KAZN: variants seen among roughly 807,000 people sequenced by gnomAD.
KAZN encodes the protein kazrin, periplakin interacting protein.
In KAZN, 40 loss-of-function variants were observed where a neutral mutation model predicts 87.4. The observed-to-expected ratio is 0.46, with a 90% CI of 0.36 to 0.60. The LOEUF (loss-of-function observed/expected upper bound fraction) is 0.60, where lower values mean the gene tolerates loss of function less well. KAZN is among the 20% of genes least tolerant of loss of function. KAZN has a pLI of 0.00. For missense variants in KAZN, 898 were observed against 1,073.9 expected, an observed-to-expected ratio of 0.84 and a Z score of 2.29; for synonymous variants, 466 against 458.3, an observed-to-expected ratio of 1.02 and a Z score of -0.22.
intron 1 of KAZN, among the ~76,000 whole-genome samples, chr1:14,615,211 A>G (rs1373633164): frequency 1.3e-5 from 2 of 152,196 alleles, no homozygotes; most frequent in Non-Finnish European, 2.9e-5. Flanking sequence ...GGATACCCGG[A>G]CAAGTAAGGT....
At position 14,506,978 on chromosome 1, in the gene KAZN, G is replaced by C. The variant is rs549630327; in HGVS notation, c.250-92005G>C. Reference sequence around the variant, plus strand: ...GTGAGAACACTAGGAAGGTTGACCAGCCATCCCATTGTGGTGCATCCGCAT... The same window carrying C: ...GTGAGAACACTAGGAAGGTTGACCACCCATCCCATTGTGGTGCATCCGCAT... On this transcript the variant is annotated intron_variant, in intron 2 of 16. Transcript: ENST00000636203. 3.9e-5 allele frequency among the ~76,000 whole-genome samples: 6 copies of C among 152,308 alleles called. No individual in the cohort carries two copies. The East Asian group carries it at 1.2e-3, about 29-fold the overall frequency.
intron 8 of KAZN, among the ~76,000 whole-genome samples, chr1:15,090,928 G>A (rs762506442): frequency 1.3e-5 from 2 of 152,148 alleles, no homozygotes; most frequent in Non-Finnish European, 2.9e-5. Context: ...GTCACCAGGT[G>A]GATACAGTCC....
chr1:14,446,870 G>A (rs1314306906), intron 2 of KAZN, among the ~76,000 whole-genome samples: 1 of 151,956 alleles, frequency 6.6e-6, no homozygotes, highest in African/African-American at 2.4e-5. Flanking sequence ...CTGGAAAATT[G>A]TGCTCCATGG....
At chr1:14,153,778 CAAAAAAAAAA>C (rs58002901) in intron 1 of KAZN, among the ~76,000 whole-genome samples, 3 of 120,360 alleles carry the variant, frequency 2.5e-5, no homozygotes, top group Non-Finnish European at 5.3e-5. Context: ...AACTCTGTCT[CAAAAAAAAAA>C]AAAAAAAAAA....
At chr1:14,249,695 A>G (rs1037821932) in intron 2 of KAZN, among the ~76,000 whole-genome samples, 3 of 152,148 alleles carry the variant, frequency 2.0e-5, no homozygotes, top group African/African-American at 7.2e-5. Context: ...CCTCACTTCC[A>G]TATGTATGAA....
At position 13,907,690 on chromosome 1, in the gene KAZN, T is replaced by G. The variant is rs953298241; in HGVS notation, c.91+13934T>G. ...CCACAAACAACCCAAATGTATGCTA[T>G]GTGTACCCAGTTTCAAAATATTTTC... On this transcript the variant is annotated intron_variant, in intron 1 of 16. Coordinates refer to the KAZN transcript ENST00000636203. Among the ~76,000 whole-genome samples, 3 of 152,216 alleles carry G rather than the reference T, an allele frequency of 2.0e-5. 1 individual carries two copies. In the South Asian group the frequency reaches 6.2e-4, roughly 32 times the overall value.
intron 1 of KAZN, among the ~76,000 whole-genome samples, chr1:14,626,698 ACCGTGGCT>A (rs1679166810): frequency 6.6e-6 from 1 of 151,958 alleles, no homozygotes; most frequent in Non-Finnish European, 1.5e-5. Flanking sequence ...TCAACTCCTT[ACCGTGGCT>A]CCTGAGGCAC....
chr1:14,787,899 T>C lies in KAZN; in HGVS notation c.227-172785T>C, dbSNP rs139026594. The stretch of plus-strand genomic sequence containing the variant: ...AACCAGTTCAGTAACAACTTTGTTA[T>C]CAATGATTCACCATTTTCGAAAGAT... On this transcript the variant is annotated intron_variant, in intron 1 of 14. Transcript: ENST00000376030. Among the ~76,000 whole-genome samples the C allele has an allele frequency of 2.6e-5, 4 of 152,234 alleles. No individual in the cohort carries two copies. In the East Asian group the frequency reaches 7.7e-4, roughly 29 times the overall value.
intron 2 of KAZN, among the ~76,000 whole-genome samples, chr1:14,398,418 T>C (rs570267672): frequency 6.6e-5 from 10 of 152,320 alleles, no homozygotes; most frequent in African/African-American, 2.4e-4. Context: ...CATAGGGAAA[T>C]TGTGAGGATC....
chr1:14,620,812 A>G (rs990098392), intron 1 of KAZN, among the ~76,000 whole-genome samples: 1 of 152,238 alleles, frequency 6.6e-6, no homozygotes, highest in African/African-American at 2.4e-5. Context: ...TAATAGAAGC[A>G]TCTGCATTTT....
intron 1 of KAZN, among the ~76,000 whole-genome samples, chr1:14,703,651 G>A (rs943215852): frequency 1.2e-4 from 18 of 152,318 alleles, no homozygotes; most frequent in African/African-American, 3.6e-4. Flanking sequence ...GCGTAGGCAG[G>A]AAGATCACTT....
chr1:14,656,123 C>T (rs1638774551), intron 1 of KAZN, among the ~76,000 whole-genome samples: 1 of 152,132 alleles, frequency 6.6e-6, no homozygotes, highest in Non-Finnish European at 1.5e-5. Context: ...AGGAATGAAT[C>T]TCTGGGATGA....
chr1:14,277,065 T>G (rs1178813333), intron 2 of KAZN, among the ~76,000 whole-genome samples: 1 of 152,232 alleles, frequency 6.6e-6, no homozygotes. Flanking sequence ...TAAAACTTCC[T>G]CTTTTTCTTT....
chr1:14,896,610 G>A (rs756575646), intron 1 of KAZN, among the ~76,000 whole-genome samples: 2 of 152,154 alleles, frequency 1.3e-5, no homozygotes, highest in Non-Finnish European at 1.5e-5. Flanking sequence ...TGGGGAGCAG[G>A]CTGCGGCTGT....
chr1:14,074,727 CA>C lies in KAZN; in HGVS notation c.92-105703del, dbSNP rs1380294115. Among the ~76,000 whole-genome samples the C allele has an allele frequency of 2.6e-5, 4 of 152,236 alleles. No homozygotes were observed. The East Asian group carries it at 7.7e-4, about 29-fold the overall frequency. On this transcript the variant is annotated intron_variant, in intron 1 of 16. Transcript: ENST00000636203. ...GGGCTTTTAAGCATTAATGAGGTGT[CA>C]AAAAGAATCCTAATTGCATACATTT...
At chr1:15,111,280 G>GTTA (rs1279692240) in intron 13 of KAZN, among the ~76,000 whole-genome samples, 1 of 141,912 alleles carries the variant, frequency 7.0e-6, no homozygotes, top group Non-Finnish European at 1.6e-5. Flanking sequence ...GTTTGTTGTT[G>GTTA]TTGTTGTTGT....
chr1:13,914,065 T>C (rs1397181075), intron 1 of KAZN, among the ~76,000 whole-genome samples: 1 of 152,196 alleles, frequency 6.6e-6, no homozygotes, highest in African/African-American at 2.4e-5. Context: ...CGAGAACCAA[T>C]GTGCTAGGAT....
chr1:14,848,903 G>A (rs75746532), intron 1 of KAZN, among the ~76,000 whole-genome samples: 17 of 152,302 alleles, frequency 1.1e-4, no homozygotes, highest in East Asian at 9.6e-4. Context: ...GGGAAGGCTC[G>A]AAGGGAAGAG....
intron 1 of KAZN, among the ~76,000 whole-genome samples, chr1:14,928,138 C>A (rs1557629536): frequency 6.6e-6 from 1 of 152,206 alleles, no homozygotes; most frequent in Non-Finnish European, 1.5e-5. Context: ...AAAGACTTCA[C>A]GTTGCTCTTA....
Sources: gnomAD v4.1 joint callset for allele counts (sites outside exome capture counted in the v4.1 genomes callset) on GRCh38, gnomAD v4.1.1 for gene constraint, MANE v1.5 for transcripts, NCBI Gene and HGNC (gene_info 2026-07-23, HGNC 2026-07-21) for gene names.